SP100: variants seen among roughly 807,000 people sequenced by gnomAD.
The protein encoded by SP100 is SP100 nuclear body protein.
SP100 carries 84 observed loss-of-function variants against 130.0 expected under a neutral mutation model. The ratio of observed to expected loss-of-function variants is 0.65; its 90% CI spans 0.54 to 0.77. The LOEUF (loss-of-function observed/expected upper bound fraction) is 0.77, where lower values mean the gene tolerates loss of function less well. Ranked by LOEUF, SP100 falls within the 30% of genes least tolerant of loss-of-function variation. SP100 has a pLI of 0.00. For missense variants in SP100, 978 were observed against 1,052.2 expected, an observed-to-expected ratio of 0.93 and a Z score of 0.97; for synonymous variants, 331 against 351.7, an observed-to-expected ratio of 0.94 and a Z score of 0.66.
chr2:230,507,934 C>T, intron 22 of SP100, 59 bp from the exon 23 acceptor site: 1 of 1,511,634 alleles, frequency 6.6e-7, no homozygotes, highest in Non-Finnish European at 9.1e-7. Context: ...GTCAGAAATA[C>T]TAAGCTCACA....
intron 2 of SP100, among the ~76,000 whole-genome samples, chr2:230,433,496 A>G (rs898377261): frequency 6.6e-6 from 1 of 152,096 alleles, no homozygotes; most frequent in Non-Finnish European, 1.5e-5. Context: ...AATTCCATGT[A>G]AATTTTAGGA....
At chr2:230,535,906 C>CAAAAAAAAAAAAAA (rs34684038) in intron 24 of SP100, among the ~76,000 whole-genome samples, 22 of 47,602 alleles carry the variant, frequency 4.6e-4, no homozygotes, top group African/African-American at 2.5e-3. Context: ...GACTCCATCT[C>CAAAAAAAAAAAAAA]AAAAAAAAAA....
chr2:230,498,068 G>A (rs1213934183), intron 18 of SP100, among the ~76,000 whole-genome samples: 1 of 152,158 alleles, frequency 6.6e-6, no homozygotes, highest in Non-Finnish European at 1.5e-5. Context: ...GGTCATAGGG[G>A]TAGTAAAAGT....
chr2:230,524,195 A>AAAAAAAAAAAAAAAAAG (rs1559534582), intron 24 of SP100, among the ~76,000 whole-genome samples: 2 of 143,230 alleles, frequency 1.4e-5, no homozygotes, highest in Non-Finnish European at 3.0e-5. Context: ...AAAAAAAAAA[A>AAAAAAAAAAAAAAAAAG]AAAAAAGAAA....
chr2:230,417,712 C>T (rs373886661), intron 2 of SP100, 47 bp downstream of exon 2: 106 of 1,583,030 alleles, frequency 6.7e-5, no homozygotes, highest in Non-Finnish European at 9.0e-5. Flanking sequence ...ATTTTCCTTA[C>T]GATGGGAAAA....
intron 16 of SP100, among the ~76,000 whole-genome samples, chr2:230,473,894 AAAAG>A (rs915349207): frequency 6.6e-6 from 1 of 152,180 alleles, no homozygotes; most frequent in African/African-American, 2.4e-5. Flanking sequence ...GAAAAAAAAA[AAAAG>A]AAAACATGTT....
At chr2:230,515,254 T>A in intron 24 of SP100, 1 of 1,613,076 alleles carries the variant, frequency 6.2e-7, no homozygotes, top group Non-Finnish European at 8.5e-7. Flanking sequence ...AATGAAAACC[T>A]ATATCCCTCC....
Position 230,498,452 on chromosome 2 carries a change from T to C in SP100, c.1646-9T>C. The C allele has an allele frequency of 1.4e-6, 2 of 1,481,344 alleles. No homozygotes were observed. Among genetic ancestry groups the C allele is most frequent in the African/African-American group, 2.9e-5 (2 of 68,036 alleles). 91.8% of individuals were successfully genotyped at this position (1,481,344 alleles called of 1,614,324 possible). ...CACCATCCATATTTATATTTTCCTATTTTCTCAGGGAGAAAGAAAGACAGA... is the reference window on the plus strand; with the variant it reads ...CACCATCCATATTTATATTTTCCTACTTTCTCAGGGAGAAAGAAAGACAGA... On this transcript the variant is annotated splice_polypyrimidine_tract_variant and intron_variant, in intron 18 of 28. Transcript: ENST00000340126.
chr2:230,539,101 C>A, intron 24 of SP100, 166 bp from the exon 25 acceptor site: 1 of 482,032 alleles, frequency 2.1e-6, no homozygotes, highest in Non-Finnish European at 3.8e-6. Context: ...CCACTATCTA[C>A]TGAACTTTGC....
chr2:230,430,148 C>T (rs1163649035), intron 2 of SP100, among the ~76,000 whole-genome samples: 1 of 152,176 alleles, frequency 6.6e-6, no homozygotes. Context: ...GCCTGGAGTT[C>T]TGGGCAGGTC....
chr2:230,494,156 T>G (rs1016903299), intron 17 of SP100, among the ~76,000 whole-genome samples: 2 of 151,888 alleles, frequency 1.3e-5, no homozygotes, highest in Non-Finnish European at 2.9e-5. Context: ...TTTAAAAACT[T>G]TCTTTATTGT....
rs2063285990 is a variant in SP100 at position 230,436,866 on chromosome 2, G to GTATATGTGTATACACACATA, written c.108-6053_108-6052insTATATATGTGTATACACACA. Among the ~76,000 whole-genome samples, 39 of 119,184 alleles carry GTATATGTGTATACACACATA rather than the reference G, an allele frequency of 3.3e-4. 1 individual carries two copies. Among genetic ancestry groups the GTATATGTGTATACACACATA allele is most frequent in the Non-Finnish European group, 6.1e-4 (33 of 54,312 alleles). 78.2% of individuals were successfully genotyped at this position (119,184 alleles called of 152,430 possible). On this transcript the variant is annotated intron_variant, in intron 2 of 28. Coordinates refer to ENST00000340126, the MANE Select transcript of SP100 (RefSeq NM_001080391.2). ...AAAATATGTATATGTGAACACATAT[G>GTATATGTGTATACACACATA]TATATGTGTATACACACACATATAT...
chr2:230,478,067 TA>T (rs1292781567), intron 17 of SP100, among the ~76,000 whole-genome samples: 1 of 152,214 alleles, frequency 6.6e-6, no homozygotes, highest in African/African-American at 2.4e-5. Context: ...TCTGGCATTT[TA>T]AAAAAGTTTT....
intron 8 of SP100, among the ~76,000 whole-genome samples, chr2:230,460,121 C>T (rs1331609490): frequency 6.6e-6 from 1 of 152,148 alleles, no homozygotes; most frequent in Admixed American, 6.5e-5. Context: ...TATACATACC[C>T]TATAACCCAA....
intron 2 of SP100, among the ~76,000 whole-genome samples, chr2:230,425,873 C>G (rs943819040): frequency 2.0e-4 from 30 of 151,966 alleles, no homozygotes; most frequent in African/African-American, 7.2e-4. Flanking sequence ...AATTCACTAG[C>G]ATAGCCAACT....
chr2:230,474,959 T>C (rs2065467225), intron 17 of SP100, among the ~76,000 whole-genome samples: 1 of 151,710 alleles, frequency 6.6e-6, no homozygotes, highest in South Asian at 2.1e-4. Flanking sequence ...ATTGGTTCCG[T>C]GTCTTTGCTT....
At chr2:230,481,460 A>G (rs1212784293) in intron 17 of SP100, among the ~76,000 whole-genome samples, 2 of 152,252 alleles carry the variant, frequency 1.3e-5, no homozygotes, top group South Asian at 2.1e-4. Flanking sequence ...CACTCTCTCT[A>G]TCATCAAGTT....
intron 24 of SP100, among the ~76,000 whole-genome samples, chr2:230,525,966 A>G (rs1347793007): frequency 1.3e-5 from 2 of 152,172 alleles, no homozygotes; most frequent in Admixed American, 1.3e-4. Context: ...GATTCCACCT[A>G]TGGGGGCAGG....
intron 8 of SP100, among the ~76,000 whole-genome samples, chr2:230,451,773 G>T (rs188159026): frequency 6.6e-6 from 1 of 150,990 alleles, no homozygotes; most frequent in African/African-American, 2.4e-5. Flanking sequence ...ACAACCTTGG[G>T]TATTAAATTT....
Sources: allele counts gnomAD v4.1 joint callset (sites outside exome capture counted in the v4.1 genomes callset), GRCh38; gene constraint gnomAD v4.1.1; transcripts MANE v1.5; gene names NCBI Gene and HGNC (gene_info 2026-07-23, HGNC 2026-07-21).